Variants in POP1 observed in about 807,000 individuals in gnomAD.
POP1 encodes POP1 ribonuclease P/MRP subunit.
In POP1, 75 loss-of-function variants were observed where a neutral mutation model predicts 102.2. The observed-to-expected ratio is 0.73, with a 90% CI of 0.61 to 0.89. The LOEUF is 0.89. Among genes scored for constraint, POP1 ranks in the 40% least tolerant of loss-of-function variants. The pLI, the probability that POP1 is intolerant of heterozygous loss-of-function variation, is 0.00. For missense variants in POP1, 1,116 were observed against 1,267.4 expected (o/e 0.88, Z 1.81); for synonymous variants, 436 against 464.1 (o/e 0.94, Z 0.78).
chr8:98,148,675 T>C (rs569674041), intron 12 of POP1, 140 bp from the exon 13 acceptor site: 1 of 777,562 alleles, frequency 1.3e-6, no homozygotes, highest in African/African-American at 1.7e-5. Flanking sequence ...TTAAAATGGC[T>C]CACATTTATT....
rs1256287883 is a variant in POP1, at chr8:98,136,470, A to G, written c.1012-12A>G. The G allele has an allele frequency of 6.3e-7, 1 of 1,598,204 alleles. No homozygotes were observed. The highest frequency in any genetic ancestry group is 8.5e-7 in the Non-Finnish European group (1 of 1,173,748). ...TCAAGATTTTAAAGTGAATGTTTAA[A>G]TATATTTTTAGGATATCTTAGAGGA... On this transcript the variant is annotated splice_polypyrimidine_tract_variant and intron_variant, in intron 7 of 15. Transcript: ENST00000401707.
chr8:98,133,961 T>TA lies in POP1; in HGVS notation c.749dup (p.Tyr250Ter). Residue 250 changes from tyrosine (Y) to a stop codon, truncating the protein, a stop_gained and frameshift_variant, in exon 6 of 16, where the codon TAC (tyrosine) becomes TAAC (stop). Coordinates refer to ENST00000401707, the MANE Select transcript of POP1 (RefSeq NM_001145860.2). LOFTEE classifies it high-confidence loss of function. ...CCGCTTTGTGCAGGATTTATCCTAT[T>TA]ACTGTTGTTTGGAGTTGAAAGGCAA... ...NRCLLQDLSY[Y>*]CCLELKGKEE... 6.2e-7 allele frequency: 1 copy of TA among 1,612,792 alleles called. No individual in the cohort carries two copies. The highest frequency in any genetic ancestry group is 8.5e-7 in the Non-Finnish European group (1 of 1,178,756).
chr8:98,136,732 T>C lies in POP1; in HGVS notation c.1262T>C (p.Ile421Thr), dbSNP rs1415843929. 2 of 1,614,066 alleles carry C rather than the reference T, an allele frequency of 1.2e-6. No homozygotes were observed. The highest frequency in any genetic ancestry group is 1.7e-5 in the Admixed American group (1 of 60,022). ...TGGATCTCTCCAACCACAGGCATTA[T>C]AATCAGGTATGAGTTGAATTTGCTT... is the stretch of plus-strand genomic sequence containing the variant. Reference protein sequence around the residue: ...YSWISPTTGIIISDLTMEMNR... With the variant: ...YSWISPTTGITISDLTMEMNR... Residue 421 changes from isoleucine (I) to threonine (T), a missense_variant, in exon 8 of 16, where the codon ATA becomes ACA. Coordinates refer to ENST00000401707, the MANE Select transcript of POP1 (RefSeq NM_001145860.2).
chr8:98,149,959 A>T (rs1219089023), intron 13 of POP1, among the ~76,000 whole-genome samples: 1 of 152,130 alleles, frequency 6.6e-6, no homozygotes, highest in Non-Finnish European at 1.5e-5. Context: ...TTACTATGAG[A>T]TGCTTTCAAG....
At position 98,123,308 on chromosome 8, in the gene POP1, TG is replaced by T. The variant is rs1215844855; in HGVS notation, c.-2-27del. 1.9e-6 allele frequency: 3 copies of T among 1,608,582 alleles called. No homozygotes were observed. The Middle Eastern group carries it at 5.0e-4, about 267-fold the overall frequency. On this transcript the variant is annotated intron_variant, in intron 1 of 15. Coordinates refer to ENST00000401707, the MANE Select transcript of POP1 (RefSeq NM_001145860.2). Reference sequence around the variant, plus strand: ...TTTTTGAGTGGAAGTTTCCTTTCCCTGTATTAAATGTATTACTTCCTTTCCA... The same window carrying T: ...TTTTTGAGTGGAAGTTTCCTTTCCCTTATTAAATGTATTACTTCCTTTCCA...
rs869038255 is a variant in POP1, at chr8:98,118,044, AAT to A, written c.-3+656_-3+657del. 5.5e-3 allele frequency among the ~76,000 whole-genome samples: 779 copies of A among 142,136 alleles called. 8 individuals carry two copies. The highest frequency in any genetic ancestry group is 0.018 in the African/African-American group (697 of 38,476). 93.2% of individuals were successfully genotyped at this position (142,136 alleles called of 152,430 possible). The stretch of plus-strand genomic sequence containing the variant: ...TAGGAGGAATGCAACAGTTAAAAAA[AAT>A]AATAATAAAATCTCTGCCTTCCCTG... On this transcript the variant is annotated intron_variant, in intron 1 of 15. Transcript: ENST00000401707.
chr8:98,158,569 C>T lies in POP1; in HGVS notation c.*298C>T, dbSNP rs1809719845. On this transcript the variant is annotated 3_prime_UTR_variant, in exon 16 of 16. Transcript: ENST00000401707. Reference sequence around the variant, plus strand: ...AATAATGAGAAGCTCTACGAGTTATCATCCCCTTTTTTTGTTAGAAACAAA... The same window carrying T: ...AATAATGAGAAGCTCTACGAGTTATTATCCCCTTTTTTTGTTAGAAACAAA... The T allele has an allele frequency of 3.1e-6, 1 of 319,672 alleles. No individual in the cohort carries two copies. The highest frequency in any genetic ancestry group is 2.2e-5 in the African/African-American group (1 of 45,832). The allele number at this position is 319,672 out of a possible 1,614,324, so 19.8% of individuals were successfully genotyped here.
intron 14 of POP1, 142 bp from the exon 15 acceptor site, chr8:98,155,908 T>TG (rs1393399687): frequency 1.8e-5 from 16 of 874,056 alleles, no homozygotes; most frequent in African/African-American, 8.1e-5. Flanking sequence ...TTGGAAAGCT[T>TG]TTGTGTGTGT....
chr8:98,142,685 C>T (rs1403442449), intron 11 of POP1, among the ~76,000 whole-genome samples: 2 of 152,070 alleles, frequency 1.3e-5, no homozygotes, highest in Non-Finnish European at 2.9e-5. Flanking sequence ...CTGAATTTAC[C>T]TTGTGCTCGT....
chr8:98,159,834 G>A lies in POP1; in HGVS notation c.*1563G>A, dbSNP rs1403285332. Reference sequence around the variant, plus strand: ...AACAGAATAAATGAAAATGTCACCTGATGTTCAGTTGTGAATATTTATATT... The same window carrying A: ...AACAGAATAAATGAAAATGTCACCTAATGTTCAGTTGTGAATATTTATATT... On this transcript the variant is annotated 3_prime_UTR_variant, in exon 16 of 16. Transcript: ENST00000401707. The A allele has an allele frequency of 6.6e-6, 1 of 151,370 alleles. No homozygotes were observed. The highest frequency in any genetic ancestry group is 1.5e-5 in the Non-Finnish European group (1 of 67,960). The allele number at this position is 151,370 out of a possible 1,614,324, so 9.4% of individuals were successfully genotyped here. A position where few individuals can be genotyped will look rare whatever the true frequency, so the allele number is the denominator to read the frequency against.
chr8:98,134,113 G>T, intron 6 of POP1, 77 bp downstream of exon 6: 1 of 1,117,966 alleles, frequency 8.9e-7, no homozygotes, highest in Non-Finnish European at 1.4e-6. Flanking sequence ...TCTACTGTAA[G>T]CATTTTGGAA....
chr8:98,141,004 G>C (rs1816688380), intron 11 of POP1, 116 bp downstream of exon 11: 1 of 1,278,046 alleles, frequency 7.8e-7, no homozygotes, highest in South Asian at 1.2e-5. Flanking sequence ...AAAAATTAGG[G>C]CAGTCTCCTT....
chr8:98,134,983 A>G (rs938453031), intron 7 of POP1, among the ~76,000 whole-genome samples: 3 of 152,228 alleles, frequency 2.0e-5, no homozygotes, highest in East Asian at 1.9e-4. Flanking sequence ...TTTATCAAAT[A>G]TAATGAAGTC....
rs989634283 is a variant in POP1, at chr8:98,157,969, C to T, written c.2773C>T (p.Arg925Cys). ...KKREKRQKPG[R>C]ASSDGPAGEE... ...AAGGGAGAAGAGGCAGAAGCCAGGACGTGCCTCTTCTGATGGCCCGGCGGG... is the reference window on the plus strand; with the variant it reads ...AAGGGAGAAGAGGCAGAAGCCAGGATGTGCCTCTTCTGATGGCCCGGCGGG... Residue 925 changes from arginine to cysteine, a missense_variant, in exon 16 of 16, where the codon CGT becomes TGT. Coordinates refer to ENST00000401707, the MANE Select transcript of POP1 (RefSeq NM_001145860.2). 9 of 1,613,434 alleles carry T rather than the reference C, an allele frequency of 5.6e-6. No homozygotes were observed. Among genetic ancestry groups the T allele is most frequent in the Non-Finnish European group, 5.9e-6 (7 of 1,180,046 alleles).
chr8:98,121,978 C>A (rs1296383332), intron 1 of POP1, among the ~76,000 whole-genome samples: 2 of 151,984 alleles, frequency 1.3e-5, no homozygotes, highest in Admixed American at 1.3e-4. Context: ...AGCCACCACG[C>A]CCGGCCCACC....
chr8:98,155,328 T>C (rs1048168878), intron 14 of POP1, among the ~76,000 whole-genome samples: 22 of 152,222 alleles, frequency 1.4e-4, no homozygotes, highest in African/African-American at 5.3e-4. Flanking sequence ...TTTGTCAGGA[T>C]AGAGTGCAGT....
At chr8:98,137,053 C>A in intron 9 of POP1, 99 bp downstream of exon 9, 2 of 1,053,244 alleles carry the variant, frequency 1.9e-6, no homozygotes, top group Non-Finnish European at 2.9e-6. Context: ...TGGGCCATGG[C>A]TTTTAGATGT....
intron 14 of POP1, 126 bp from the exon 15 acceptor site, chr8:98,155,923 GT>G (rs748464405): frequency 0.038 from 25,509 of 667,914 alleles, 822 homozygotes; most frequent in Middle Eastern, 0.13. Context: ...GTGTGTGTGT[GT>G]GTGTGTGTGT....
In POP1 at chr8:98,148,827, A is replaced by G. The variant is rs1809434839; in HGVS notation, c.1723A>G (p.Met575Val). ...TCTTCCACTTTAGGATTTAAACCGG[A>G]TGAGGAGTGAATTGCTGGTGCCTGG... is the stretch of plus-strand genomic sequence containing the variant. ...NKISDQDLNRMRSELLVPGSQ... is the reference protein window; with the variant it reads ...NKISDQDLNRVRSELLVPGSQ... Residue 575 changes from methionine (M) to valine (V), a missense_variant, in exon 13 of 16, where the codon ATG becomes GTG. Physicochemically the swap from Met to Val is conservative, Grantham distance 21 (BLOSUM62 1). Coordinates refer to ENST00000401707, the MANE Select transcript of POP1 (RefSeq NM_001145860.2). 6.2e-7 allele frequency: 1 copy of G among 1,612,988 alleles called. No homozygotes were observed. Among genetic ancestry groups the G allele is most frequent in the Non-Finnish European group, 8.5e-7 (1 of 1,179,368 alleles).
Sources: allele counts gnomAD v4.1 joint callset (sites outside exome capture counted in the v4.1 genomes callset), GRCh38; gene constraint gnomAD v4.1.1; transcripts MANE v1.5; gene names NCBI Gene and HGNC (gene_info 2026-07-23, HGNC 2026-07-21).